Variants in TMEM131 observed in about 807,000 individuals in gnomAD.
TMEM131 encodes transmembrane protein 131, also known as 2610524E03Rik.
In TMEM131, 66 loss-of-function variants were observed where a neutral mutation model predicts 211.6. The observed-to-expected ratio is 0.31, with a 90% CI of 0.26 to 0.38. The LOEUF (loss-of-function observed/expected upper bound fraction) is 0.38, where lower values mean the gene tolerates loss of function less well. TMEM131 is among the 10% of genes least tolerant of loss of function. The probability of loss-of-function intolerance (pLI) is 1.00; values close to 1 mark genes in which losing one functional copy is unlikely to be tolerated. For synonymous variants in TMEM131, 844 were observed against 841.3 expected, an observed-to-expected ratio of 1.00 and a Z score of -0.06; for missense variants, 2,036 against 2,299.3, an observed-to-expected ratio of 0.89 and a Z score of 2.34.
intron 2 of TMEM131, among the ~76,000 whole-genome samples, chr2:97,910,465 G>A (rs939336603): frequency 2.6e-5 from 4 of 152,092 alleles, no homozygotes; most frequent in Non-Finnish European, 5.9e-5. Context: ...AACCATTAAG[G>A]GGTAGAAGCA....
chr2:97,774,948 A>G (rs1204049113), intron 32 of TMEM131, among the ~76,000 whole-genome samples: 2 of 152,202 alleles, frequency 1.3e-5, no homozygotes, highest in Admixed American at 6.5e-5. Flanking sequence ...TAAGTTACAT[A>G]TACATTTCAT....
intron 4 of TMEM131, among the ~76,000 whole-genome samples, chr2:97,865,508 A>C (rs1234600982): frequency 6.6e-6 from 1 of 152,134 alleles, no homozygotes; most frequent in Non-Finnish European, 1.5e-5. Context: ...TATTATCTCA[A>C]ATGTTTTTTC....
Position 97,841,860 on chromosome 2 carries a change from G to C in TMEM131, c.678C>G (p.Phe226Leu). Residue 226 changes from phenylalanine to leucine, a missense_variant, in exon 7 of 41, where the codon TTC becomes TTG. Phe to Leu is a conservative substitution (Grantham distance 22, BLOSUM62 0). Around this residue, in one of 3 missense-constraint regions of TMEM131, gnomAD observed 277 missense variants for 378.0 expected, o/e 0.73. Transcript: ENST00000186436. ...GATTGTGGATGTTTATTATAGGTGA[G>C]AAACTGCTATTCACAGGGACTCTGG... ...LGARVPVNSS[F>L]SPIINIHNPH... is the part of the protein sequence containing the mutation. The C allele has an allele frequency of 6.3e-7, 1 of 1,596,232 alleles. No individual in the cohort carries two copies. Among genetic ancestry groups the C allele is most frequent in the African/African-American group, 1.3e-5 (1 of 74,760 alleles).
chr2:97,972,485 A>AAGGCGGGCAGGC lies in TMEM131; in HGVS notation c.187+22979_187+22990dup, dbSNP rs755432320. The stretch of plus-strand genomic sequence containing the variant: ...GAGGGAAGGCGGGCGGGAGGGAGGG[A>AAGGCGGGCAGGC]AGGCGGGCAGGCAGGCGGGCAGGCA... On this transcript the variant is annotated intron_variant, in intron 1 of 40. Transcript: ENST00000186436. Among the ~76,000 whole-genome samples, 1,377 of 146,088 alleles carry AAGGCGGGCAGGC rather than the reference A, an allele frequency of 9.4e-3. 8 individuals are homozygous for AAGGCGGGCAGGC. Among genetic ancestry groups the AAGGCGGGCAGGC allele is most frequent in the South Asian group, 0.016 (72 of 4,432 alleles).
At chr2:97,905,313 C>T (rs1676023744) in intron 3 of TMEM131, among the ~76,000 whole-genome samples, 3 of 152,202 alleles carry the variant, frequency 2.0e-5, no homozygotes, top group Non-Finnish European at 2.9e-5. Flanking sequence ...GAACAACCAG[C>T]AGTCATTCCT....
intron 1 of TMEM131, among the ~76,000 whole-genome samples, chr2:97,981,949 T>C (rs537340323): frequency 6.6e-6 from 1 of 152,358 alleles, no homozygotes; most frequent in East Asian, 1.9e-4. Flanking sequence ...AACATTTCAG[T>C]TGTTTCCACT....
In TMEM131 at chr2:97,881,707, C is replaced by CAAA. The variant is rs1205367293; in HGVS notation, c.359+6342_359+6344dup. The stretch of plus-strand genomic sequence containing the variant: ...GCCAGGCCTAAAGGCTGGATAACTG[C>CAAA]AAAAAAAAAAAAAAAAGGGGGGGGG... On this transcript the variant is annotated intron_variant, in intron 4 of 40. Transcript: ENST00000186436. Among the ~76,000 whole-genome samples the CAAA allele has an allele frequency of 3.0e-3, 166 of 55,318 alleles. 7 individuals are homozygous for CAAA. The highest frequency in any genetic ancestry group is 6.8e-3 in the African/African-American group (84 of 12,318). 36.3% of individuals were successfully genotyped at this position (55,318 alleles called of 152,430 possible). A position where few individuals can be genotyped will look rare whatever the true frequency, so the allele number is the denominator to read the frequency against.
At chr2:97,994,005 G>A (rs961772725) in intron 1 of TMEM131, among the ~76,000 whole-genome samples, 4 of 152,252 alleles carry the variant, frequency 2.6e-5, no homozygotes, top group Admixed American at 2.0e-4. Context: ...CTAAGCGCCA[G>A]TGTGTCTGGC....
chr2:97,911,560 G>A (rs1573546126), intron 2 of TMEM131: 1 of 925,684 alleles, frequency 1.1e-6, no homozygotes, highest in Non-Finnish European at 1.3e-6. Context: ...CTTTCTTGAG[G>A]AGAAAAAAAT....
At chr2:97,937,568 T>G (rs1161210768) in intron 1 of TMEM131, among the ~76,000 whole-genome samples, 1 of 152,030 alleles carries the variant, frequency 6.6e-6, no homozygotes, top group Admixed American at 6.6e-5. Context: ...AAAAAATAAA[T>G]TTTAAAAATT....
At chr2:97,911,550 C>G (rs764801894) in intron 2 of TMEM131, 142 of 873,170 alleles carry the variant, frequency 1.6e-4, no homozygotes, top group Non-Finnish European at 1.6e-4. Flanking sequence ...CTCATGTGCA[C>G]TTTCTTGAGG....
intron 40 of TMEM131, 91 bp downstream of exon 40, chr2:97,758,802 T>C: frequency 1.3e-6 from 2 of 1,494,984 alleles, no homozygotes; most frequent in South Asian, 1.3e-5. Flanking sequence ...TTGTTGTTTA[T>C]AACTATGTCA....
At chr2:97,861,478 G>C (rs1394580955) in intron 4 of TMEM131, among the ~76,000 whole-genome samples, 1 of 151,724 alleles carries the variant, frequency 6.6e-6, no homozygotes, top group African/African-American at 2.4e-5. Flanking sequence ...GGATTGGGGA[G>C]GGAGCCCAAT....
chr2:97,908,733 A>G, intron 2 of TMEM131, 35 bp from the exon 3 acceptor site: 1 of 1,565,090 alleles, frequency 6.4e-7, no homozygotes. Flanking sequence ...TAAAAAACTG[A>G]AGCCAAATAT....
At chr2:97,992,215 G>C (rs1680298255) in intron 1 of TMEM131, among the ~76,000 whole-genome samples, 1 of 152,126 alleles carries the variant, frequency 6.6e-6, no homozygotes, top group African/African-American at 2.4e-5. Context: ...GTTTGGTTAA[G>C]AAAAAGTAAA....
chr2:97,910,349 T>C (rs1434474713), intron 2 of TMEM131, among the ~76,000 whole-genome samples: 1 of 152,084 alleles, frequency 6.6e-6, no homozygotes, highest in Non-Finnish European at 1.5e-5. Flanking sequence ...AACATAGAAT[T>C]ACCATACGAC....
At chr2:97,939,321 G>A (rs182981518) in intron 1 of TMEM131, among the ~76,000 whole-genome samples, 254 of 152,042 alleles carry the variant, frequency 1.7e-3, no homozygotes, top group African/African-American at 5.9e-3. Context: ...TCAAATAGAC[G>A]CAATAAAAAA....
intron 2 of TMEM131, among the ~76,000 whole-genome samples, chr2:97,916,452 C>A (rs1676512369): frequency 6.6e-6 from 1 of 152,230 alleles, no homozygotes; most frequent in African/African-American, 2.4e-5. Flanking sequence ...ATTCTGCCAA[C>A]TACAAGGAGC....
chr2:97,841,689 CT>C (rs1683203968), intron 7 of TMEM131, 125 bp downstream of exon 7: 1 of 1,111,920 alleles, frequency 9.0e-7, no homozygotes, highest in African/African-American at 1.6e-5. Context: ...AGTAATACCC[CT>C]CTCAATACAC....
Sources: gnomAD v4.1 joint callset for allele counts (sites outside exome capture counted in the v4.1 genomes callset) on GRCh38, gnomAD v4.1.1 for gene constraint, gnomAD v4.1.1 regional missense constraint, MANE v1.5 for transcripts, NCBI Gene and HGNC (gene_info 2026-07-23, HGNC 2026-07-21) for gene names.